Variants in SELENOV observed in about 807,000 individuals in gnomAD.
The protein encoded by SELENOV is selenoprotein V.
A neutral mutation model predicts 21.6 loss-of-function variants in SELENOV; 25 were observed. The observed-to-expected ratio is 1.16, with a 90% CI of 0.84 to 1.62. The LOEUF is 1.62. SELENOV is among the 40% of genes most tolerant of loss of function. SELENOV has a pLI of 0.00. For missense variants in SELENOV, 472 were observed against 459.0 expected (o/e 1.03, Z -0.26); for synonymous variants, 227 against 216.9 (o/e 1.05, Z -0.41).
In SELENOV at chr19:39,515,503, GCCGACTCCCGTTCCCGTCCGGAAC is replaced by G; in HGVS notation, c.294_317del (p.Val103_Pro110del). On this transcript the variant is annotated inframe_deletion, in exon 1 of 6. Transcript: ENST00000335426. The surrounding 1 kb of genome is among the most constrained non-coding windows in gnomAD (Gnocchi z 5.1). ...CTCCGGCCTGGATCCCTACTCCGGT[GCCGACTCCCGTTCCCGTCCGGAAC>G]CCAACTCCGGTCCCGACTCCGGCTC... is the stretch of plus-strand genomic sequence containing the variant. The G allele has an allele frequency of 6.4e-7, 1 of 1,550,822 alleles. No individual in the cohort carries two copies. The highest frequency in any genetic ancestry group is 8.7e-7 in the Non-Finnish European group (1 of 1,146,828).
At position 39,518,225 on chromosome 19, in the gene SELENOV, C is replaced by T. The variant is rs376534355; in HGVS notation, c.810-383C>T. ...GGCGGAGCTTGCAGTGAGCTGAGATCGCGCCATTGCACTCCAGCCTGGGCA... is the reference window on the plus strand; with the variant it reads ...GGCGGAGCTTGCAGTGAGCTGAGATTGCGCCATTGCACTCCAGCCTGGGCA... On this transcript the variant is annotated intron_variant, in intron 1 of 5. Transcript: ENST00000335426. Among the ~76,000 whole-genome samples, 12 of 149,624 alleles carry T rather than the reference C, an allele frequency of 8.0e-5. No homozygotes were observed. The East Asian group carries it at 1.8e-3, about 22-fold the overall frequency.
At chr19:39,519,146 T>C in exon 5 of SELENOV, 1 of 1,613,376 alleles carries the variant, frequency 6.2e-7, no homozygotes. Flanking sequence ...CAAGAAAAGG[T>C]AGCCGGCAAG....
At chr19:39,520,586 G>A (rs2144778135) in exon 6 of SELENOV, 1 of 152,272 alleles carries the variant, frequency 6.6e-6, no homozygotes, top group East Asian at 1.9e-4. Context: ...TTATGCTCCA[G>A]GGCCCACTTT....
chr19:39,518,739 G>T lies in SELENOV; in HGVS notation c.835-1G>T. On this transcript the variant is annotated splice_acceptor_variant, in intron 2 of 5. Transcript: ENST00000335426. LOFTEE classifies it high-confidence loss of function. ...CCCATGACCCCATCTCCTCCCCTCAGTACATTCTACTGAAAAAGAGCCTGG... is the reference window on the plus strand; with the variant it reads ...CCCATGACCCCATCTCCTCCCCTCATTACATTCTACTGAAAAAGAGCCTGG... 1 of 1,613,804 alleles carries T rather than the reference G, an allele frequency of 6.2e-7. No homozygotes were observed. Among genetic ancestry groups the T allele is most frequent in the Non-Finnish European group, 8.5e-7 (1 of 1,179,790 alleles).
In SELENOV at chr19:39,518,812, T is replaced by C. The variant is rs376536555; in HGVS notation, c.888+19T>C. The C allele has an allele frequency of 3.7e-6, 6 of 1,613,130 alleles. No homozygotes were observed. The African/African-American group carries it at 6.7e-5, about 18-fold the overall frequency. On this transcript the variant is annotated intron_variant, in intron 3 of 5. Coordinates refer to ENST00000335426, the Ensembl canonical transcript of SELENOV. ...ACTCTTTGTAAGTGTGTGGGGGTCCTGGGGGAGAGGGGGGTGGTCAGGGAT... is the reference window on the plus strand; with the variant it reads ...ACTCTTTGTAAGTGTGTGGGGGTCCCGGGGGAGAGGGGGGTGGTCAGGGAT...
chr19:39,516,394 T>C, intron 1 of SELENOV: 1 of 392,270 alleles, frequency 2.5e-6, no homozygotes, highest in South Asian at 2.1e-5. Flanking sequence ...CTTCCCAGCC[T>C]CTCTCCTGCC....
intron 4 of SELENOV, 33 bp downstream of exon 4, chr19:39,519,010 T>TG: frequency 1.2e-6 from 2 of 1,611,302 alleles, no homozygotes; most frequent in South Asian, 1.1e-5. Context: ...GACAGGGAGG[T>TG]GGGGTGGTGC....
In SELENOV at chr19:39,515,568, C is replaced by G. The variant is rs2079691150; in HGVS notation, c.356C>G (p.Pro119Arg). The G allele has an allele frequency of 1.9e-6, 3 of 1,549,558 alleles. No homozygotes were observed. The highest frequency in any genetic ancestry group is 1.7e-4 in the Middle Eastern group (1 of 5,992). ...ACTCCGGCTCGGACCCTGACTCCTC[C>G]AGTCCGGGTCCCAGCCCCAGCCCCA... The change falls in exon 1 of 6, where the codon CCA (proline) becomes CGA (arginine). Residue 119 changes from proline (P) to arginine (R), a missense_variant. Pro to Arg is a moderately radical substitution (Grantham distance 103, BLOSUM62 -2). Coordinates refer to ENST00000335426, the Ensembl canonical transcript of SELENOV. The surrounding 1 kb of genome is among the most constrained non-coding windows in gnomAD (Gnocchi z 5.1).
chr19:39,520,221 G>T (rs2079721486), exon 6 of SELENOV: 1 of 152,722 alleles, frequency 6.5e-6, no homozygotes, highest in South Asian at 2.1e-4. Context: ...TGGGGCTGGG[G>T]TGAGCTCAGG....
chr19:39,516,796 A>C (rs2079699281), intron 1 of SELENOV, among the ~76,000 whole-genome samples: 1 of 151,588 alleles, frequency 6.6e-6, no homozygotes, highest in Non-Finnish European at 1.5e-5. Context: ...CCCGGGTTCA[A>C]GCAATTCTCC....
intron 5 of SELENOV, among the ~76,000 whole-genome samples, 153 bp downstream of exon 5, chr19:39,519,323 C>T (rs890096956): frequency 2.0e-5 from 3 of 151,798 alleles, no homozygotes; most frequent in African/African-American, 7.3e-5. Flanking sequence ...GCCTCAGTTG[C>T]CTCATCTGTA....
rs200755550 is a variant in SELENOV at position 39,518,825 on chromosome 19, G to C, written c.888+32G>C. 2,535 of 1,613,012 alleles carry C rather than the reference G, an allele frequency of 1.6e-3. 37 individuals carry two copies. In the South Asian group the frequency reaches 0.024, roughly 15 times the overall value. On this transcript the variant is annotated intron_variant, in intron 3 of 5. Transcript: ENST00000335426. ...GTGTGGGGGTCCTGGGGGAGAGGGG[G>C]GTGGTCAGGGATCTGAGATCCCCAA...
At chr19:39,516,196 G>C in intron 1 of SELENOV, 175 bp downstream of exon 1, 1 of 709,436 alleles carries the variant, frequency 1.4e-6, no homozygotes. Flanking sequence ...ATTCTCTTTG[G>C]GGCAGGAGAG....
intron 1 of SELENOV, among the ~76,000 whole-genome samples, chr19:39,516,494 G>T (rs1600763478): frequency 1.3e-5 from 2 of 151,548 alleles, no homozygotes; most frequent in Admixed American, 6.6e-5. Flanking sequence ...CCCACTCTCT[G>T]TCTCTCTGTC....
In SELENOV at chr19:39,515,929, G is replaced by A. The variant is rs1260812102; in HGVS notation, c.717G>A (p.Ser239=). ...CGCCCATCCTGGGGACCATCCCGTC[G>A]GCCATCTCCTTACAGAATTGTACGG... The change falls in exon 1 of 6, where the codon TCG becomes TCA. Residue 239 remains serine, a synonymous_variant. Transcript: ENST00000335426. The surrounding 1 kb of genome is among the most constrained non-coding windows in gnomAD (Gnocchi z 5.1). 1 of 1,605,458 alleles carries A rather than the reference G, an allele frequency of 6.2e-7. No individual in the cohort carries two copies. The highest frequency in any genetic ancestry group is 1.7e-5 in the Admixed American group (1 of 59,074).
At position 39,518,671 on chromosome 19, in the gene SELENOV, G is replaced by A. The variant is rs201697297; in HGVS notation, c.834+39G>A. 8 of 1,612,872 alleles carry A rather than the reference G, an allele frequency of 5.0e-6. No homozygotes were observed. In the Admixed American group the frequency reaches 1.0e-4, roughly 20 times the overall value. ...GCTTTGGAGGTAGGGGGAGCCTGAG[G>A]CAGGAAGACTGGGAGGAGTCCCTGT... On this transcript the variant is annotated intron_variant, in intron 2 of 5. Coordinates refer to ENST00000335426, the Ensembl canonical transcript of SELENOV.
rs1312339218 is a variant in SELENOV, at chr19:39,515,278, T to A, written c.66T>A (p.Ser22=). The change falls in exon 1 of 6, where the codon TCT becomes TCA. Residue 22 remains serine, a synonymous_variant. Coordinates refer to ENST00000335426, the Ensembl canonical transcript of SELENOV. The surrounding 1 kb of genome is among the most constrained non-coding windows in gnomAD (Gnocchi z 5.1). Reference sequence around the variant, plus strand: ...GGACTTCAACCTCAGTCCGGGCTTCTACCCCGACCCGGACACCGACTCCAC... The same window carrying A: ...GGACTTCAACCTCAGTCCGGGCTTCAACCCCGACCCGGACACCGACTCCAC... 1.8e-5 allele frequency: 28 copies of A among 1,550,846 alleles called. No individual in the cohort carries two copies. The highest frequency in any genetic ancestry group is 2.4e-5 in the Non-Finnish European group (28 of 1,146,880).
rs1262078260 is a variant in SELENOV, at chr19:39,515,997, G to A, written c.785G>A (p.Arg262Lys). 6.3e-7 allele frequency: 1 copy of A among 1,598,396 alleles called. No individual in the cohort carries two copies. Among genetic ancestry groups the A allele is most frequent in the Non-Finnish European group, 8.5e-7 (1 of 1,173,032 alleles). The change falls in exon 1 of 6, where the codon AGG becomes AAG. Residue 262 changes from arginine (R) to lysine (K), a missense_variant. By Grantham distance (26) the Arg-to-Lys change is conservative. Transcript: ENST00000335426. The surrounding 1 kb of genome is among the most constrained non-coding windows in gnomAD (Gnocchi z 5.1). ...AGCGAGAACTTCGCGCTGGACAAGA[G>A]GGTCCTGATTCGAGTGACCTACTGG...
rs981083143 is a variant in SELENOV at position 39,515,834 on chromosome 19, G to T, written c.622G>T (p.Asp208Tyr). ...CGCGAACTCACCCGGGCCCACCCTGGACTTCACCTTCAGGGCAGACCCGTC... is the reference window on the plus strand; with the variant it reads ...CGCGAACTCACCCGGGCCCACCCTGTACTTCACCTTCAGGGCAGACCCGTC... Residue 208 changes from aspartate to tyrosine, a missense_variant, in exon 1 of 6, where the codon GAC becomes TAC. Coordinates refer to ENST00000335426, the Ensembl canonical transcript of SELENOV. This position sits in a 1 kb window ranked among gnomAD's most constrained non-coding sequence, Gnocchi z 5.1. 2.6e-6 allele frequency: 4 copies of T among 1,551,134 alleles called. No homozygotes were observed. In the African/African-American group the frequency reaches 5.5e-5, roughly 21 times the overall value.
Sources: gnomAD v4.1 joint callset for allele counts (sites outside exome capture counted in the v4.1 genomes callset) on GRCh38, gnomAD v4.1.1 for gene constraint, Gnocchi (gnomAD v3.1) non-coding constraint, MANE v1.5 for transcripts, NCBI Gene and HGNC (gene_info 2026-07-23, HGNC 2026-07-21) for gene names.